BBX: variants seen among roughly 807,000 people sequenced by gnomAD.
The protein encoded by BBX is BBX high mobility group box domain containing.
BBX carries 30 observed loss-of-function variants against 100.2 expected under a neutral mutation model. That is an observed-to-expected ratio of 0.30 (90% CI 0.22 to 0.41). The LOEUF (loss-of-function observed/expected upper bound fraction) is 0.41, where lower values mean the gene tolerates loss of function less well. BBX is among the 10% of genes least tolerant of loss of function. The pLI is 1.00. For synonymous variants in BBX, 376 were observed against 388.1 expected (o/e 0.97, Z 0.37); for missense variants, 1,023 against 1,129.8 (o/e 0.91, Z 1.35).
intron 10 of BBX, among the ~76,000 whole-genome samples, chr3:107,759,188 G>A (rs1411436971): frequency 6.6e-6 from 1 of 152,196 alleles, no homozygotes; most frequent in Non-Finnish European, 1.5e-5. Context: ...CTGGAGCCAG[G>A]AGATTTCCTG....
chr3:107,569,462 G>A (rs1267548498), intron 2 of BBX, among the ~76,000 whole-genome samples: 4 of 151,968 alleles, frequency 2.6e-5, no homozygotes, highest in East Asian at 1.9e-4. Context: ...GGCTGAGTCC[G>A]AAAAGAGCCA....
rs1257865488 is a variant in BBX at position 107,656,072 on chromosome 3, A to G, written c.-10+10163A>G. Among the ~76,000 whole-genome samples the G allele has an allele frequency of 4.6e-5, 7 of 152,188 alleles. No individual in the cohort carries two copies. In the East Asian group the frequency reaches 1.3e-3, roughly 29 times the overall value. ...TTAAAAAATTTAAATAGCTCATTCA[A>G]CCATGATCTTATTCTGTTATTTAAT... On this transcript the variant is annotated intron_variant, in intron 3 of 17. Coordinates refer to ENST00000325805, the MANE Select transcript of BBX (RefSeq NM_001142568.3).
chr3:107,568,333 C>T (rs1300349102), intron 2 of BBX, among the ~76,000 whole-genome samples: 3 of 147,830 alleles, frequency 2.0e-5, no homozygotes, highest in East Asian at 2.0e-4. Flanking sequence ...GGCGGAATCT[C>T]GGCTCACTGC....
At chr3:107,763,389 C>G (rs1198125445) in intron 10 of BBX, among the ~76,000 whole-genome samples, 1 of 152,110 alleles carries the variant, frequency 6.6e-6, no homozygotes, top group Non-Finnish European at 1.5e-5. Flanking sequence ...TATTTTTCCA[C>G]TGATCATTTT....
chr3:107,801,864 T>C (rs1474975096), intron 17 of BBX, among the ~76,000 whole-genome samples: 3 of 152,124 alleles, frequency 2.0e-5, no homozygotes, highest in African/African-American at 7.2e-5. Context: ...GCCTGGATTT[T>C]TCTTCAACTC....
intron 10 of BBX, among the ~76,000 whole-genome samples, chr3:107,759,329 G>A (rs555489716): frequency 6.6e-6 from 1 of 152,286 alleles, no homozygotes; most frequent in African/African-American, 2.4e-5. Context: ...CAGGGAATTG[G>A]CAGAAATATA....
intron 3 of BBX, among the ~76,000 whole-genome samples, chr3:107,700,835 G>A (rs1272375948): frequency 6.6e-6 from 1 of 150,422 alleles, no homozygotes; most frequent in Non-Finnish European, 1.5e-5. Flanking sequence ...TAATCCAGTC[G>A]ATCATTGTTG....
At chr3:107,724,257 TG>T (rs1270652473) in intron 5 of BBX, among the ~76,000 whole-genome samples, 1 of 152,156 alleles carries the variant, frequency 6.6e-6, no homozygotes, top group African/African-American at 2.4e-5. Flanking sequence ...TTGATGGGGT[TG>T]TTTTTTTCTT....
At chr3:107,592,263 C>CGGGAGGAT (rs1304492849) in intron 2 of BBX, among the ~76,000 whole-genome samples, 4 of 139,062 alleles carry the variant, frequency 2.9e-5, no homozygotes, top group Non-Finnish European at 6.1e-5. Flanking sequence ...GCTACTCAGG[C>CGGGAGGAT]GGGAGGATTG....
At chr3:107,587,417 A>C in intron 2 of BBX, among the ~76,000 whole-genome samples, 1 of 151,738 alleles carries the variant, frequency 6.6e-6, no homozygotes, top group East Asian at 1.9e-4. Context: ...TATTGGAATG[A>C]TTTGGATCTT....
intron 2 of BBX, among the ~76,000 whole-genome samples, chr3:107,543,582 G>A (rs755299357): frequency 2.0e-5 from 3 of 152,156 alleles, no homozygotes; most frequent in African/African-American, 4.8e-5. Context: ...TAAACTGTAC[G>A]TGGCTTCAGT....
chr3:107,745,006 A>G (rs987128157), intron 8 of BBX, among the ~76,000 whole-genome samples: 4 of 152,226 alleles, frequency 2.6e-5, no homozygotes, highest in Non-Finnish European at 4.4e-5. Flanking sequence ...TACTATTAGA[A>G]TTTAGTCATT....
chr3:107,712,220 T>C (rs2061770605), intron 4 of BBX, among the ~76,000 whole-genome samples: 1 of 152,184 alleles, frequency 6.6e-6, no homozygotes, highest in Non-Finnish European at 1.5e-5. Context: ...TCCTAGTTTC[T>C]TTCAGTTAAT....
intron 2 of BBX, among the ~76,000 whole-genome samples, chr3:107,538,404 T>C (rs555621882): frequency 5.3e-5 from 8 of 152,306 alleles, no homozygotes; most frequent in African/African-American, 1.9e-4. Flanking sequence ...TGTTTCTTTT[T>C]CTTTAATTTT....
At chr3:107,525,954 C>A (rs998124383) in intron 1 of BBX, among the ~76,000 whole-genome samples, 8 of 152,210 alleles carry the variant, frequency 5.3e-5, no homozygotes, top group African/African-American at 1.9e-4. Context: ...GATTTGGTTA[C>A]TGGTGTGTTT....
chr3:107,554,379 T>C (rs2049925636), intron 2 of BBX, among the ~76,000 whole-genome samples: 1 of 152,202 alleles, frequency 6.6e-6, no homozygotes, highest in Admixed American at 6.5e-5. Flanking sequence ...AAATTGTAAA[T>C]AGACTGATGT....
chr3:107,782,453 G>GCCA (rs1404448093), intron 13 of BBX, among the ~76,000 whole-genome samples: 1 of 151,972 alleles, frequency 6.6e-6, no homozygotes, highest in Non-Finnish European at 1.5e-5. Context: ...CTGGGCAAAA[G>GCCA]CCACCACCAC....
intron 9 of BBX, among the ~76,000 whole-genome samples, chr3:107,749,115 A>G (rs893335345): frequency 1.3e-5 from 2 of 152,186 alleles, no homozygotes; most frequent in Non-Finnish European, 2.9e-5. Context: ...TTAGCTGCTG[A>G]GGGCTATTGT....
chr3:107,571,731 A>C (rs2051380286), intron 2 of BBX, among the ~76,000 whole-genome samples: 1 of 152,210 alleles, frequency 6.6e-6, no homozygotes, highest in Non-Finnish European at 1.5e-5. Context: ...GTCTATGTGA[A>C]GAGACCACCA....
Sources: allele counts gnomAD v4.1 joint callset (sites outside exome capture counted in the v4.1 genomes callset), GRCh38; gene constraint gnomAD v4.1.1; transcripts MANE v1.5; gene names NCBI Gene and HGNC (gene_info 2026-07-23, HGNC 2026-07-21).